XPR1: variants seen among roughly 807,000 people sequenced by gnomAD.
XPR1 encodes solute carrier family 53 member 1.
XPR1 carries 28 observed loss-of-function variants against 87.5 expected under a neutral mutation model. The observed-to-expected ratio is 0.32, with a 90% confidence interval of 0.24 to 0.44. XPR1 has a LOEUF of 0.44. Ranked by LOEUF, XPR1 falls within the 20% of genes least tolerant of loss-of-function variation. The pLI is 1.00. For synonymous variants in XPR1, 300 were observed against 306.1 expected (o/e 0.98, Z 0.21); for missense variants, 559 against 862.3 (o/e 0.65, Z 4.41).
chr1:180,659,621 C>A (rs1274892618), intron 1 of XPR1, among the ~76,000 whole-genome samples: 2 of 122,022 alleles, frequency 1.6e-5, no homozygotes, highest in Non-Finnish European at 3.3e-5. Context: ...CGGGTTCAAG[C>A]GATTCTCCTG....
In XPR1 at chr1:180,704,274, ATATT is replaced by A. The variant is rs1360375120; in HGVS notation, c.121+21864_121+21867del. Reference sequence around the variant, plus strand: ...TATATATATATATATATATATATATATATTATCAGATTATCTGTTTTGTTACTAC... The same window carrying A: ...TATATATATATATATATATATATATAATCAGATTATCTGTTTTGTTACTAC... On this transcript the variant is annotated intron_variant, in intron 2 of 14. Transcript: ENST00000367590. 1.9e-3 allele frequency among the ~76,000 whole-genome samples: 263 copies of A among 141,680 alleles called. 4 individuals carry two copies. Among genetic ancestry groups the A allele is most frequent in the African/African-American group, 6.5e-3 (251 of 38,718 alleles). The allele number at this position is 141,680 out of a possible 152,430, so 92.9% of individuals were successfully genotyped here.
chr1:180,883,547 A>G (rs964911847), intron 14 of XPR1, among the ~76,000 whole-genome samples: 2 of 152,002 alleles, frequency 1.3e-5, no homozygotes, highest in Non-Finnish European at 2.9e-5. Flanking sequence ...CATCTCTACT[A>G]AAAATACAAA....
At chr1:180,650,064 T>C (rs1213066415) in intron 1 of XPR1, among the ~76,000 whole-genome samples, 1 of 152,156 alleles carries the variant, frequency 6.6e-6, no homozygotes, top group African/African-American at 2.4e-5. Context: ...TTCTAAAAAT[T>C]TGTTAAAACC....
intron 11 of XPR1, among the ~76,000 whole-genome samples, chr1:180,840,749 C>T (rs1355731994): frequency 6.6e-6 from 1 of 151,402 alleles, no homozygotes. Flanking sequence ...AAATTTTTAA[C>T]TAAAAAGCTT....
intron 2 of XPR1, among the ~76,000 whole-genome samples, chr1:180,698,159 T>A (rs1571737816): frequency 6.6e-6 from 1 of 152,180 alleles, no homozygotes; most frequent in East Asian, 1.9e-4. Context: ...ATCTTCTTGC[T>A]GAATTGATTT....
intron 2 of XPR1, among the ~76,000 whole-genome samples, chr1:180,783,872 T>G (rs184436456): frequency 4.6e-5 from 7 of 151,958 alleles, no homozygotes; most frequent in Admixed American, 1.3e-4. Context: ...CTGACCAACA[T>G]GGCGAAACCC....
chr1:180,829,460 T>C (rs1265412774), intron 9 of XPR1, among the ~76,000 whole-genome samples: 8 of 152,202 alleles, frequency 5.3e-5, no homozygotes, highest in African/African-American at 1.9e-4. Context: ...AAATCTAGAA[T>C]GAATTTGACT....
intron 14 of XPR1, among the ~76,000 whole-genome samples, chr1:180,882,195 G>A (rs904684130): frequency 6.6e-6 from 1 of 152,158 alleles, no homozygotes; most frequent in African/African-American, 2.4e-5. Flanking sequence ...GTTTAACGGA[G>A]AAACTCTGGG....
intron 1 of XPR1, among the ~76,000 whole-genome samples, chr1:180,648,614 C>A (rs533342010): frequency 6.6e-6 from 1 of 152,286 alleles, no homozygotes; most frequent in South Asian, 2.1e-4. Context: ...TCAAGCGATT[C>A]CCCTGCCTCA....
chr1:180,674,515 T>C (rs1656298270), intron 1 of XPR1, among the ~76,000 whole-genome samples: 1 of 152,006 alleles, frequency 6.6e-6, no homozygotes, highest in South Asian at 2.1e-4. Context: ...CTCCTCGGCC[T>C]CCAAAAGTGC....
chr1:180,798,347 A>G (rs1366216908), intron 3 of XPR1, among the ~76,000 whole-genome samples: 1 of 152,216 alleles, frequency 6.6e-6, no homozygotes, highest in African/African-American at 2.4e-5. Context: ...GTAGACTTAA[A>G]GGGACAATTT....
chr1:180,766,522 A>T lies in XPR1; in HGVS notation c.122-21231A>T, dbSNP rs189692755. Among the ~76,000 whole-genome samples, 868 of 152,318 alleles carry T rather than the reference A, an allele frequency of 5.7e-3. 4 individuals carry two copies. Among genetic ancestry groups the T allele is most frequent in the Non-Finnish European group, 0.01 (703 of 67,992 alleles). Reference sequence around the variant, plus strand: ...GAGATGTAAACTAAAGGGAAGAAATATAATTTCAAAAAGTATTTTAGAAGA... The same window carrying T: ...GAGATGTAAACTAAAGGGAAGAAATTTAATTTCAAAAAGTATTTTAGAAGA... On this transcript the variant is annotated intron_variant, in intron 2 of 14. Coordinates refer to ENST00000367590, the MANE Select transcript of XPR1 (RefSeq NM_004736.4).
chr1:180,644,996 A>G (rs1655066423), intron 1 of XPR1, among the ~76,000 whole-genome samples: 1 of 152,116 alleles, frequency 6.6e-6, no homozygotes, highest in Non-Finnish European at 1.5e-5. Context: ...CTGTCATTGC[A>G]GAAAACCTGC....
At chr1:180,810,401 T>G (rs1052816231) in intron 6 of XPR1, among the ~76,000 whole-genome samples, 1 of 151,998 alleles carries the variant, frequency 6.6e-6, no homozygotes, top group South Asian at 2.1e-4. Flanking sequence ...GGCAAAACAG[T>G]GAAACCTCAT....
At chr1:180,675,030 T>C (rs921694388) in intron 1 of XPR1, among the ~76,000 whole-genome samples, 1 of 152,238 alleles carries the variant, frequency 6.6e-6, no homozygotes, top group Non-Finnish European at 1.5e-5. Flanking sequence ...TGAGTTGTTA[T>C]AAGTACTAGG....
intron 12 of XPR1, among the ~76,000 whole-genome samples, chr1:180,864,409 T>A (rs1450643343): frequency 6.6e-6 from 1 of 152,176 alleles, no homozygotes; most frequent in Non-Finnish European, 1.5e-5. Context: ...ATAATGTGCT[T>A]AGGTGTCCAT....
At chr1:180,672,258 A>G (rs1412668212) in intron 1 of XPR1, among the ~76,000 whole-genome samples, 2 of 152,180 alleles carry the variant, frequency 1.3e-5, no homozygotes, top group Non-Finnish European at 2.9e-5. Context: ...CAACTTCTCC[A>G]TATTGAATTG....
chr1:180,699,719 G>A (rs1255439350), intron 2 of XPR1, among the ~76,000 whole-genome samples: 2 of 111,834 alleles, frequency 1.8e-5, no homozygotes, highest in Non-Finnish European at 3.4e-5. Context: ...TAGTCCTTTG[G>A]GTATATACCC....
In XPR1 at chr1:180,766,458, C is replaced by T. The variant is rs181995746; in HGVS notation, c.122-21295C>T. Among the ~76,000 whole-genome samples the T allele has an allele frequency of 6.4e-3, 980 of 152,096 alleles. 6 individuals are homozygous for T. The highest frequency in any genetic ancestry group is 0.021 in the African/African-American group (891 of 41,494). ...GTATGTTTGATTATCAAATATAATT[C>T]TAAGTAGTAATACACTTTTGTGCTT... On this transcript the variant is annotated intron_variant, in intron 2 of 14. Coordinates refer to ENST00000367590, the MANE Select transcript of XPR1 (RefSeq NM_004736.4).
Sources: allele counts gnomAD v4.1 joint callset (sites outside exome capture counted in the v4.1 genomes callset), GRCh38; gene constraint gnomAD v4.1.1; transcripts MANE v1.5; gene names NCBI Gene and HGNC (gene_info 2026-07-23, HGNC 2026-07-21).